The following NUP210L variants were observed in gnomAD, a reference collection of about 807,000 sequenced individuals.
NUP210L encodes the protein nucleoporin 210 like.
NUP210L carries 74 observed loss-of-function variants against 208.5 expected under a neutral mutation model. That is an observed-to-expected ratio of 0.35 (90% CI 0.29 to 0.43). The LOEUF is 0.43. Ranked by LOEUF, NUP210L falls within the 20% of genes least tolerant of loss-of-function variation. The pLI, the probability that NUP210L is intolerant of heterozygous loss-of-function variation, is 1.00. For synonymous variants in NUP210L, 780 were observed against 816.9 expected (o/e 0.95, Z 0.77); for missense variants, 1,843 against 2,289.4 (o/e 0.81, Z 3.98).
rs1451050694 is a variant in NUP210L, at chr1:154,125,752, G to T, written c.1326+571C>A. Among the ~76,000 whole-genome samples the T allele has an allele frequency of 5.2e-3, 16 of 3,070 alleles. 5 individuals carry two copies. Among genetic ancestry groups the T allele is most frequent in the South Asian group, 0.033 (2 of 60 alleles). 2.0% of individuals were successfully genotyped at this position (3,070 alleles called of 152,430 possible). ...AAGGAAGGAAGGGAGGGAGGGAAAT[G>T]TTTTTTTTTTTTTTTTTTTTTTTTT... is the stretch of plus-strand genomic sequence containing the variant. On this transcript the variant is annotated intron_variant, in intron 10 of 39. Coordinates refer to ENST00000368559, the Ensembl canonical transcript of NUP210L.
intron 15 of NUP210L, among the ~76,000 whole-genome samples, chr1:154,090,785 TG>T (rs1215446235): frequency 1.3e-5 from 2 of 151,324 alleles, no homozygotes; most frequent in Non-Finnish European, 2.9e-5. Flanking sequence ...CACTCCAGCC[TG>T]GGTGACAAGA....
intron 33 of NUP210L, among the ~76,000 whole-genome samples, chr1:154,012,701 C>G (rs1279119745): frequency 2.0e-5 from 3 of 152,044 alleles, no homozygotes; most frequent in Non-Finnish European, 4.4e-5. Flanking sequence ...TGTCACCATG[C>G]CTAACCAACA....
At chr1:154,136,004 G>GAC in intron 6 of NUP210L, 32 bp from the exon 7 acceptor site, 1 of 1,460,684 alleles carries the variant, frequency 6.8e-7, no homozygotes. Flanking sequence ...TAAATGTAAT[G>GAC]ACAGCAGCCA....
intron 12 of NUP210L, among the ~76,000 whole-genome samples, chr1:154,114,782 G>A (rs866622808): frequency 1.1e-4 from 17 of 150,946 alleles, no homozygotes; most frequent in South Asian, 4.2e-4. Context: ...AAGAGATGGG[G>A]GGGGGGGTCT....
intron 12 of NUP210L, among the ~76,000 whole-genome samples, chr1:154,114,080 T>C (rs1261756740): frequency 6.7e-6 from 1 of 150,132 alleles, no homozygotes; most frequent in African/African-American, 2.5e-5. Context: ...GAGGCGGAGG[T>C]TGCAATGAGC....
At chr1:153,994,558 C>G (rs143244294) in intron 38 of NUP210L, among the ~76,000 whole-genome samples, 1 of 151,606 alleles carries the variant, frequency 6.6e-6, no homozygotes, top group African/African-American at 2.4e-5. Context: ...GTGACCCACC[C>G]GCCTTGGCCT....
At chr1:154,032,963 G>GAAAAGAA (rs1321336328) in intron 27 of NUP210L, among the ~76,000 whole-genome samples, 1 of 107,112 alleles carries the variant, frequency 9.3e-6, no homozygotes, top group Non-Finnish European at 2.0e-5. Context: ...GAAAAGAAAA[G>GAAAAGAA]AAAAGAAAAG....
intron 15 of NUP210L, among the ~76,000 whole-genome samples, chr1:154,093,165 A>G (rs959724987): frequency 6.6e-6 from 1 of 152,150 alleles, no homozygotes; most frequent in Non-Finnish European, 1.5e-5. Flanking sequence ...GCGGTGCCTC[A>G]TGCCTGTAAT....
At chr1:154,144,588 G>T (rs1659027936) in intron 2 of NUP210L, among the ~76,000 whole-genome samples, 1 of 152,118 alleles carries the variant, frequency 6.6e-6, no homozygotes, top group African/African-American at 2.4e-5. Context: ...AAATTGTTTT[G>T]TACCACTATA....
At chr1:154,138,294 A>G in intron 5 of NUP210L, 56 bp from the exon 6 acceptor site, 1 of 1,460,630 alleles carries the variant, frequency 6.8e-7, no homozygotes, top group Non-Finnish European at 9.1e-7. Flanking sequence ...GAACCCTCAC[A>G]GTCATCTTTC....
chr1:154,137,539 A>G (rs1046020351), intron 6 of NUP210L, among the ~76,000 whole-genome samples: 3 of 121,862 alleles, frequency 2.5e-5, no homozygotes, highest in Non-Finnish European at 5.1e-5. Context: ...TGACAGAGAG[A>G]GACTACATCT....
chr1:154,029,856 C>A, intron 28 of NUP210L, 40 bp downstream of exon 28: 2 of 1,515,370 alleles, frequency 1.3e-6, no homozygotes, highest in South Asian at 2.4e-5. Flanking sequence ...ACTTTCTTAT[C>A]CTTAATATAC....
intron 27 of NUP210L, among the ~76,000 whole-genome samples, chr1:154,032,691 G>C (rs926378718): frequency 1.3e-5 from 2 of 152,080 alleles, no homozygotes; most frequent in East Asian, 3.9e-4. Context: ...GCCGAGGCAG[G>C]TGGATCACCT....
At chr1:154,018,053 C>T (rs1208810772) in intron 33 of NUP210L, among the ~76,000 whole-genome samples, 1 of 151,756 alleles carries the variant, frequency 6.6e-6, no homozygotes, top group Non-Finnish European at 1.5e-5. Context: ...TTCACTGCAA[C>T]CTCCACCTCC....
intron 20 of NUP210L, 38 bp downstream of exon 20, chr1:154,060,502 C>T: frequency 7.7e-7 from 1 of 1,302,936 alleles, no homozygotes; most frequent in South Asian, 1.2e-5. Context: ...TGAGCTTTGG[C>T]CTGAGACCAT....
At chr1:153,999,780 A>G (rs920417571) in intron 37 of NUP210L, among the ~76,000 whole-genome samples, 6 of 149,138 alleles carry the variant, frequency 4.0e-5, no homozygotes, top group Non-Finnish European at 8.9e-5. Flanking sequence ...GGCAAATAGT[A>G]TACTTACAAA....
intron 16 of NUP210L, among the ~76,000 whole-genome samples, chr1:154,081,998 G>A (rs1655359085): frequency 6.6e-6 from 1 of 151,982 alleles, no homozygotes; most frequent in African/African-American, 2.4e-5. Context: ...AAAAAACATT[G>A]GACACCAAAA....
At chr1:154,017,052 G>A (rs755415848) in intron 33 of NUP210L, among the ~76,000 whole-genome samples, 12 of 152,034 alleles carry the variant, frequency 7.9e-5, no homozygotes, top group African/African-American at 1.7e-4. Context: ...AGGCGGAGGC[G>A]AGCAGATCAC....
exon 1 of NUP210L, chr1:154,155,073 C>A: frequency 6.5e-7 from 1 of 1,528,064 alleles, no homozygotes; most frequent in South Asian, 1.2e-5. Flanking sequence ...GGTTCCCGCT[C>A]AACTACAGCC....
Sources: gnomAD v4.1 joint callset for allele counts (sites outside exome capture counted in the v4.1 genomes callset) on GRCh38, gnomAD v4.1.1 for gene constraint, MANE v1.5 for transcripts, NCBI Gene and HGNC (gene_info 2026-07-23, HGNC 2026-07-21) for gene names.